Variants in KCNT1 observed in about 807,000 individuals in gnomAD.
KCNT1 encodes the protein potassium channel subfamily T member 1.
A neutral mutation model predicts 147.8 loss-of-function variants in KCNT1; 78 were observed. The observed-to-expected ratio is 0.53, with a 90% confidence interval of 0.44 to 0.64. The LOEUF (loss-of-function observed/expected upper bound fraction) is 0.64. KCNT1 is among the 30% of genes least tolerant of loss of function. The pLI is 0.00. For missense variants in KCNT1, 1,419 were observed against 1,750.3 expected (o/e 0.81, Z 3.38); for synonymous variants, 867 against 748.8 (o/e 1.16, Z -2.58).
At position 135,784,961 on chromosome 9, in the gene KCNT1, C is replaced by T. The variant is rs542075506; in HGVS notation, c.3156+72C>T. 5.7e-5 allele frequency: 88 copies of T among 1,553,096 alleles called. 1 individual carries two copies. The East Asian group carries it at 1.2e-3, about 21-fold the overall frequency. ...TGTGACCCACAGCATCCCCACCTTC[C>T]GGGGGCTGGGACTGTGGCAGCCCCT... On this transcript the variant is annotated intron_variant, in intron 27 of 30. Coordinates refer to ENST00000371757, the MANE Select transcript of KCNT1 (RefSeq NM_020822.3).
chr9:135,768,436 C>T (rs1832485413), intron 13 of KCNT1, 174 bp from the exon 14 acceptor site: 2 of 574,102 alleles, frequency 3.5e-6, no homozygotes. Flanking sequence ...GCCTTCCATC[C>T]TCCCCGCCTT....
chr9:135,758,470 C>T lies in KCNT1; in HGVS notation c.816C>T (p.Leu272=), dbSNP rs764531029. 6.8e-6 allele frequency: 11 copies of T among 1,613,814 alleles called. No homozygotes were observed. The highest frequency in any genetic ancestry group is 9.3e-6 in the Non-Finnish European group (11 of 1,180,012). Reference sequence around the variant, plus strand: ...AGTCAGCCATGTTCAACCAGGTCCTCATCCTCTTCTGCACCCTGCTGTGCC... The same window carrying T: ...AGTCAGCCATGTTCAACCAGGTCCTTATCCTCTTCTGCACCCTGCTGTGCC... ...RTQSAMFNQV[L]ILFCTLLCLV... Residue 272 remains leucine, a synonymous_variant, in exon 10 of 31, where the codon CTC becomes CTT. Coordinates refer to ENST00000371757, the MANE Select transcript of KCNT1 (RefSeq NM_020822.3).
chr9:135,715,878 G>C (rs1381210630), intron 2 of KCNT1, among the ~76,000 whole-genome samples: 1 of 152,206 alleles, frequency 6.6e-6, no homozygotes, highest in Non-Finnish European at 1.5e-5. Flanking sequence ...TGGGGACTGA[G>C]CCCAGTCTTC....
At position 135,793,474 on chromosome 9, in the gene KCNT1, GGCA is replaced by G. The variant is rs1166777788; in HGVS notation, c.*1314_*1316del. 3 of 152,262 alleles carry G rather than the reference GGCA, an allele frequency of 2.0e-5. No homozygotes were observed. Among genetic ancestry groups the G allele is most frequent in the Admixed American group, 2.0e-4 (3 of 15,284 alleles). 9.4% of individuals were successfully genotyped at this position (152,262 alleles called of 1,614,324 possible). On this transcript the variant is annotated 3_prime_UTR_variant, in exon 31 of 31. Coordinates refer to ENST00000371757, the MANE Select transcript of KCNT1 (RefSeq NM_020822.3). Reference sequence around the variant, plus strand: ...AGAGACCCCAGGCTCTGCCCGCAGTGGCACAGAACTCATCTGAGGCCAGTGGCT... The same window carrying G: ...AGAGACCCCAGGCTCTGCCCGCAGTGCAGAACTCATCTGAGGCCAGTGGCT...
In KCNT1 at chr9:135,785,806, G is replaced by A. The variant is rs574073121; in HGVS notation, c.3178-391G>A. The A allele has an allele frequency of 4.1e-5, 17 of 416,202 alleles. No individual in the cohort carries two copies. In the South Asian group the frequency reaches 4.1e-4, roughly 10 times the overall value. 25.8% of individuals were successfully genotyped at this position (416,202 alleles called of 1,614,324 possible). A position where few individuals can be genotyped will look rare whatever the true frequency, so the allele number is the denominator to read the frequency against. ...AGGGATCAGGGCTCATCTGCAGATG[G>A]AGAAATTGACACGCAGAGGGGGTGA... is the stretch of plus-strand genomic sequence containing the variant. On this transcript the variant is annotated intron_variant, in intron 28 of 30. Coordinates refer to ENST00000371757, the MANE Select transcript of KCNT1 (RefSeq NM_020822.3).
rs551362621 is a variant in KCNT1, at chr9:135,770,067, G to A, written c.1619+12G>A. The A allele has an allele frequency of 3.2e-6, 5 of 1,544,480 alleles. No homozygotes were observed. The South Asian group carries it at 3.6e-5, about 11-fold the overall frequency. Reference sequence around the variant, plus strand: ...ACGTCCCGCGGCCAGTGAGTGCCCCGTGCCCCGGGGGACCGACCTCCATGG... The same window carrying A: ...ACGTCCCGCGGCCAGTGAGTGCCCCATGCCCCGGGGGACCGACCTCCATGG... On this transcript the variant is annotated intron_variant, in intron 16 of 30. Transcript: ENST00000371757.
In KCNT1 at chr9:135,748,452, A is replaced by T. The variant is rs376804207; in HGVS notation, c.255-1646A>T. Reference sequence around the variant, plus strand: ...CGGAGATGTTGGGGTCACCAGCCCCAGGCCAGGCAGTGACATCAAATTCTC... The same window carrying T: ...CGGAGATGTTGGGGTCACCAGCCCCTGGCCAGGCAGTGACATCAAATTCTC... On this transcript the variant is annotated intron_variant, in intron 2 of 30. Coordinates refer to ENST00000371757, the MANE Select transcript of KCNT1 (RefSeq NM_020822.3). 1.8e-4 allele frequency among the ~76,000 whole-genome samples: 28 copies of T among 152,380 alleles called. No individual in the cohort carries two copies. The South Asian group carries it at 5.8e-3, about 32-fold the overall frequency.
At chr9:135,791,515 G>C in intron 29 of KCNT1, 1 of 459,810 alleles carries the variant, frequency 2.2e-6, no homozygotes, top group Non-Finnish European at 4.0e-6. Context: ...TCTGCTCAGG[G>C]CCACCCCTTT....
chr9:135,756,977 T>TC (rs772464304), intron 7 of KCNT1, 45 bp downstream of exon 7: 57 of 978,342 alleles, frequency 5.8e-5, no homozygotes, highest in Middle Eastern at 3.2e-4. Flanking sequence ...GTCCCCACCC[T>TC]CCCCACCCTC....
chr9:135,709,163 G>A (rs2131318603), intron 1 of KCNT1, among the ~76,000 whole-genome samples: 1 of 152,352 alleles, frequency 6.6e-6, no homozygotes, highest in Non-Finnish European at 1.5e-5. Context: ...TGGGTGCCCA[G>A]AGAAACCCAC....
chr9:135,732,750 A>ATCTCTATCTC (rs1830155914), intron 2 of KCNT1, among the ~76,000 whole-genome samples: 1 of 147,762 alleles, frequency 6.8e-6, no homozygotes, highest in South Asian at 2.2e-4. Flanking sequence ...AGTCCAACCT[A>ATCTCTATCTC]TCTCTCTCTC....
chr9:135,747,150 G>C (rs1234981211), intron 2 of KCNT1, among the ~76,000 whole-genome samples: 3 of 152,102 alleles, frequency 2.0e-5, no homozygotes, highest in Admixed American at 6.5e-5. Context: ...ACGGAGCGGA[G>C]GGGAGAACAA....
In KCNT1 at chr9:135,726,532, G is replaced by T. The variant is rs144245372; in HGVS notation, c.254+11812G>T. ...AGGTAGAACCTGTTGGGAGGGTAAA[G>T]CGAGGCACCCCAGGTAAGCCAAGTT... On this transcript the variant is annotated intron_variant, in intron 2 of 30. Transcript: ENST00000371757. Among the ~76,000 whole-genome samples, 459 of 152,134 alleles carry T rather than the reference G, an allele frequency of 3.0e-3. 2 individuals carry two copies. The highest frequency in any genetic ancestry group is 6.8e-3 in the Middle Eastern group (2 of 294).
rs917533569 is a variant in KCNT1, at chr9:135,721,808, G to T, written c.254+7088G>T. ...TTGCCCCCACTCGACTGTGGACAGG[G>T]CTGGAGGCCAGGCCTGCTCGCCCTT... is the stretch of plus-strand genomic sequence containing the variant. On this transcript the variant is annotated intron_variant, in intron 2 of 30. Coordinates refer to ENST00000371757, the MANE Select transcript of KCNT1 (RefSeq NM_020822.3). Among the ~76,000 whole-genome samples the T allele has an allele frequency of 2.6e-5, 4 of 152,368 alleles. No individual in the cohort carries two copies. In the East Asian group the frequency reaches 7.7e-4, roughly 29 times the overall value.
In KCNT1 at chr9:135,714,800, G is replaced by A. The variant is rs1330251077; in HGVS notation, c.254+80G>A. On this transcript the variant is annotated intron_variant, in intron 2 of 30. Transcript: ENST00000371757. This position sits in a 1 kb window ranked among gnomAD's most constrained non-coding sequence, Gnocchi z 6.2. ...GCCCGGAGCTGTCCGCGGTGCTGAC[G>A]GCCGGTCCCGCGCGCCCCCGCAGCC... is the stretch of plus-strand genomic sequence containing the variant. The A allele has an allele frequency of 2.0e-6, 2 of 1,007,966 alleles. No homozygotes were observed. Among genetic ancestry groups the A allele is most frequent in the Non-Finnish European group, 2.5e-6 (2 of 813,584 alleles). 62.4% of individuals were successfully genotyped at this position (1,007,966 alleles called of 1,614,324 possible).
At chr9:135,781,050 TC>T (rs1833574013) in intron 24 of KCNT1, among the ~76,000 whole-genome samples, 2 of 152,264 alleles carry the variant, frequency 1.3e-5, no homozygotes, top group Admixed American at 6.5e-5. Context: ...TCACCCACGC[TC>T]CGCCCCGCCG....
At chr9:135,711,466 A>G (rs1219070463) in intron 1 of KCNT1, among the ~76,000 whole-genome samples, 2 of 152,226 alleles carry the variant, frequency 1.3e-5, no homozygotes, top group Non-Finnish European at 2.9e-5. Context: ...CTTGCCAGGA[A>G]CTAGGGATGG....
At chr9:135,773,585 C>T (rs1012208160) in intron 19 of KCNT1, among the ~76,000 whole-genome samples, 1 of 152,284 alleles carries the variant, frequency 6.6e-6, no homozygotes, top group African/African-American at 2.4e-5. Context: ...AATCATGAGA[C>T]AGGAGGCCCC....
intron 2 of KCNT1, among the ~76,000 whole-genome samples, chr9:135,726,262 G>A (rs1244906708): frequency 6.6e-6 from 1 of 152,066 alleles, no homozygotes; most frequent in African/African-American, 2.4e-5. Flanking sequence ...ACGTGGCACA[G>A]GGCCAGCAGC....
Sources: allele counts gnomAD v4.1 joint callset (sites outside exome capture counted in the v4.1 genomes callset), GRCh38; gene constraint gnomAD v4.1.1; non-coding constraint Gnocchi (gnomAD v3.1); transcripts MANE v1.5; gene names NCBI Gene and HGNC (gene_info 2026-07-23, HGNC 2026-07-21).